Variants in VWA5B1 observed in about 807,000 individuals in gnomAD.
VWA5B1 encodes von Willebrand factor A domain containing 5B1.
VWA5B1 carries 115 observed loss-of-function variants against 118.2 expected under a neutral mutation model. The ratio of observed to expected loss-of-function variants is 0.97; its 90% CI spans 0.84 to 1.14. The LOEUF is 1.14. Among genes scored for constraint, VWA5B1 ranks in the 50% most tolerant of loss-of-function variants. The pLI, the probability that VWA5B1 is intolerant of heterozygous loss-of-function variation, is 0.00. For synonymous variants in VWA5B1, 682 were observed against 658.4 expected (o/e 1.04, Z -0.55); for missense variants, 1,596 against 1,603.8 (o/e 1.00, Z 0.08).
chr1:20,330,333 A>T lies in VWA5B1; in HGVS notation c.1408A>T (p.Asn470Tyr), dbSNP rs1051658222. 2 of 1,551,624 alleles carry T rather than the reference A, an allele frequency of 1.3e-6. No individual in the cohort carries two copies. The highest frequency in any genetic ancestry group is 1.7e-6 in the Non-Finnish European group (2 of 1,147,018). Residue 470 changes from asparagine (N) to tyrosine (Y), a missense_variant, in exon 10 of 22, where the codon AAC becomes TAC. Physicochemically the swap from Asn to Tyr is moderately radical, Grantham distance 143. Coordinates refer to ENST00000289815, the MANE Select transcript of VWA5B1 (RefSeq NM_001039500.3). ...LFVITDGAVN[N>Y]TGKVLELVRN... ...CGTGATCACAGATGGCGCTGTCAACAACACAGGGAAGGTGCTGGAGCTGGT... is the reference window on the plus strand; with the variant it reads ...CGTGATCACAGATGGCGCTGTCAACTACACAGGGAAGGTGCTGGAGCTGGT...
At chr1:20,301,649 G>T (rs1350333702) in intron 1 of VWA5B1, among the ~76,000 whole-genome samples, 1 of 152,228 alleles carries the variant, frequency 6.6e-6, no homozygotes, top group Non-Finnish European at 1.5e-5. Context: ...CCACCAGCCG[G>T]TGAGCCCCTC....
intron 1 of VWA5B1, among the ~76,000 whole-genome samples, chr1:20,304,645 G>A (rs1235922876): frequency 6.6e-6 from 1 of 152,094 alleles, no homozygotes; most frequent in Non-Finnish European, 1.5e-5. Flanking sequence ...GGAACAGGTA[G>A]GAGATGATAC....
rs893920572 is a variant in VWA5B1, at chr1:20,332,967, A to G, written c.1758+16A>G. The G allele has an allele frequency of 2.6e-6, 4 of 1,551,078 alleles. No homozygotes were observed. The highest frequency in any genetic ancestry group is 3.5e-6 in the Non-Finnish European group (4 of 1,146,540). On this transcript the variant is annotated intron_variant, in intron 12 of 21. Transcript: ENST00000289815. ...TCCCAGATCTGTAAGTATCCTAGAAATTCCACGGGTCCGTGTGGGCCCAGA... is the reference window on the plus strand; with the variant it reads ...TCCCAGATCTGTAAGTATCCTAGAAGTTCCACGGGTCCGTGTGGGCCCAGA...
In VWA5B1 at chr1:20,357,508, G is replaced by C. The variant is rs374950299; in HGVS notation, c.*3245G>C. On this transcript the variant is annotated 3_prime_UTR_variant, in exon 22 of 22. Transcript: ENST00000289815. ...GCAGCTCTTCTCTGGTTACTAGGTC[G>C]CAAAATGCTGGTCTAGATCTCTCTT... Among the ~76,000 whole-genome samples, 1 of 152,206 alleles carries C rather than the reference G, an allele frequency of 6.6e-6. No individual in the cohort carries two copies. The highest frequency in any genetic ancestry group is 1.5e-5 in the Non-Finnish European group (1 of 68,038).
At chr1:20,294,993 A>G (rs998966794) in intron 1 of VWA5B1, among the ~76,000 whole-genome samples, 11 of 152,190 alleles carry the variant, frequency 7.2e-5, no homozygotes, top group African/African-American at 2.7e-4. Flanking sequence ...TCTAGAAGAG[A>G]ACTTAAGACC....
chr1:20,332,318 A>G (rs1464502113), intron 11 of VWA5B1, among the ~76,000 whole-genome samples: 1 of 151,836 alleles, frequency 6.6e-6, no homozygotes, highest in Non-Finnish European at 1.5e-5. Flanking sequence ...CGTCTCTACT[A>G]AATATACAAA....
At chr1:20,311,584 C>A (rs2100840507) in intron 2 of VWA5B1, among the ~76,000 whole-genome samples, 1 of 152,338 alleles carries the variant, frequency 6.6e-6, no homozygotes, top group South Asian at 2.1e-4. Flanking sequence ...CACTGGCCTG[C>A]CAGAGTCATT....
In VWA5B1 at chr1:20,314,574, C is replaced by G. The variant is rs1439804998; in HGVS notation, c.545C>G (p.Ser182Cys). The G allele has an allele frequency of 1.9e-6, 3 of 1,551,388 alleles. No individual in the cohort carries two copies. Among genetic ancestry groups the G allele is most frequent in the Non-Finnish European group, 2.6e-6 (3 of 1,146,986 alleles). The part of the protein sequence containing the change: ...PQFCTKSTGT[S>C]NQQAQGKDRH... ...TTCTGCACCAAGAGCACTGGCACCT[C>G]CAACCAACAGGCCCAGGGGTAAGGA... The change falls in exon 4 of 22, where the codon TCC becomes TGC. Residue 182 changes from serine to cysteine, a missense_variant. By Grantham distance (112) the Ser-to-Cys change is moderately radical. Coordinates refer to ENST00000289815, the MANE Select transcript of VWA5B1 (RefSeq NM_001039500.3).
rs372533477 is a variant in VWA5B1, at chr1:20,294,747, G to A, written c.-27+3659G>A. Among the ~76,000 whole-genome samples the A allele has an allele frequency of 5.6e-4, 86 of 152,222 alleles. 1 individual carries two copies. The East Asian group carries it at 0.011, about 19-fold the overall frequency. The stretch of plus-strand genomic sequence containing the variant: ...TGAGATTACAGGCATGCACCACCAC[G>A]CCAGGCTAATTTTGTATTTTTAGTA... On this transcript the variant is annotated intron_variant, in intron 1 of 21. Coordinates refer to ENST00000289815, the MANE Select transcript of VWA5B1 (RefSeq NM_001039500.3).
At chr1:20,324,997 G>T (rs1163062388) in intron 8 of VWA5B1, among the ~76,000 whole-genome samples, 1 of 152,188 alleles carries the variant, frequency 6.6e-6, no homozygotes, top group East Asian at 1.9e-4. Context: ...CAGTTCGTAA[G>T]ATGTCTCAGT....
At chr1:20,349,711 A>C (rs2090085099) in intron 18 of VWA5B1, among the ~76,000 whole-genome samples, 2 of 135,888 alleles carry the variant, frequency 1.5e-5, no homozygotes, top group Admixed American at 1.5e-4. Context: ...TTGTTCTCTG[A>C]TTCATGCCCA....
chr1:20,310,628 G>T lies in VWA5B1; in HGVS notation c.27G>T (p.Thr9=), dbSNP rs751997849. Residue 9 remains threonine (T), a synonymous_variant, in exon 2 of 22, where the codon ACG becomes ACT. Coordinates refer to ENST00000289815, the MANE Select transcript of VWA5B1 (RefSeq NM_001039500.3). MPGLLNWI[T]GAALPLTASD... ...TGCCCGGCTTGCTGAATTGGATCAC[G>T]GGGGCAGCCCTGCCCCTCACCGCGT... The T allele has an allele frequency of 6.5e-7, 1 of 1,545,304 alleles. No homozygotes were observed. The highest frequency in any genetic ancestry group is 8.7e-7 in the Non-Finnish European group (1 of 1,144,542).
chr1:20,306,919 C>A (rs1369833503), intron 1 of VWA5B1, among the ~76,000 whole-genome samples: 4 of 152,150 alleles, frequency 2.6e-5, no homozygotes, highest in South Asian at 2.1e-4. Context: ...TAACTCCGGG[C>A]ACTCCTTCTG....
intron 2 of VWA5B1, among the ~76,000 whole-genome samples, 195 bp from the exon 3 acceptor site, chr1:20,312,641 C>T (rs893439929): frequency 1.3e-5 from 2 of 152,216 alleles, no homozygotes; most frequent in Non-Finnish European, 1.5e-5. Flanking sequence ...TAAGAGCTGG[C>T]CCTGCCGCTG....
At position 20,312,836 on chromosome 1, in the gene VWA5B1, G is replaced by A. The variant is rs376429022; in HGVS notation, c.140G>A (p.Gly47Asp). The change falls in exon 3 of 22, where the codon GGC becomes GAC. Residue 47 changes from glycine to aspartate, a missense_variant and splice_region_variant. By Grantham distance (94) the Gly-to-Asp change is moderately conservative. Transcript: ENST00000289815. ...GTGATGCTGGGCCCTGCTCCGACAGGCCTCTTCGTGTACCCCCTGGATGAG... is the reference window on the plus strand; with the variant it reads ...GTGATGCTGGGCCCTGCTCCGACAGACCTCTTCGTGTACCCCCTGGATGAG... ...YGNLEAQPFQGLFVYPLDECT... is the reference protein window; with the variant it reads ...YGNLEAQPFQDLFVYPLDECT... The A allele has an allele frequency of 6.5e-5, 101 of 1,548,446 alleles. No individual in the cohort carries two copies. The Middle Eastern group carries it at 1.2e-3, about 18-fold the overall frequency.
rs2090232269 is a variant in VWA5B1 at position 20,356,496 on chromosome 1, GTC to G, written c.*2235_*2236del. 1.3e-5 allele frequency among the ~76,000 whole-genome samples: 2 copies of G among 152,168 alleles called. No homozygotes were observed. Among genetic ancestry groups the G allele is most frequent in the Non-Finnish European group, 2.9e-5 (2 of 68,040 alleles). ...AGCACCTCCCTGCCCCACCAGATGA[GTC>G]TGATTCTGGGTCTCCAGGCCTCAGC... is the stretch of plus-strand genomic sequence containing the variant. On this transcript the variant is annotated 3_prime_UTR_variant, in exon 22 of 22. Coordinates refer to ENST00000289815, the MANE Select transcript of VWA5B1 (RefSeq NM_001039500.3).
chr1:20,330,775 A>G (rs2089527725), intron 10 of VWA5B1, 94 bp from the exon 11 acceptor site: 4 of 1,285,968 alleles, frequency 3.1e-6, no homozygotes, highest in Non-Finnish European at 4.4e-6. Context: ...CAGCTCCAAG[A>G]TCCTGCCAGA....
chr1:20,302,643 T>C (rs975568105), intron 1 of VWA5B1, among the ~76,000 whole-genome samples: 4 of 152,092 alleles, frequency 2.6e-5, no homozygotes, highest in African/African-American at 9.7e-5. Context: ...TATAGTTCTG[T>C]TAAATGGACA....
At chr1:20,318,842 G>T (rs889963821) in intron 6 of VWA5B1, 121 bp downstream of exon 6, 86 of 1,374,574 alleles carry the variant, frequency 6.3e-5, no homozygotes, top group African/African-American at 5.2e-4. Flanking sequence ...GAGTCGGGGT[G>T]GGGGGTGTGG....
Sources: allele counts gnomAD v4.1 joint callset (sites outside exome capture counted in the v4.1 genomes callset), GRCh38; gene constraint gnomAD v4.1.1; transcripts MANE v1.5; gene names NCBI Gene and HGNC (gene_info 2026-07-23, HGNC 2026-07-21).